The following CDH4 variants were observed in gnomAD, a reference collection of about 807,000 sequenced individuals.
CDH4 encodes cadherin-4.
Under a neutral mutation model 86.0 loss-of-function variants are expected in CDH4, and 33 were observed. That is an observed-to-expected ratio of 0.38 (90% CI 0.29 to 0.51). CDH4 has a LOEUF of 0.51. CDH4 is among the 20% of genes least tolerant of loss of function. The probability of loss-of-function intolerance (pLI) is 0.86; values close to 1 mark genes in which losing one functional copy is unlikely to be tolerated. For synonymous variants in CDH4, 555 were observed against 549.4 expected, an observed-to-expected ratio of 1.01 and a Z score of -0.14; for missense variants, 1,114 against 1,307.4, an observed-to-expected ratio of 0.85 and a Z score of 2.28.
chr20:61,634,322 G>A (rs1261595084), intron 2 of CDH4, among the ~76,000 whole-genome samples: 2 of 152,174 alleles, frequency 1.3e-5, no homozygotes, highest in African/African-American at 4.8e-5. Context: ...CGAGCCCCCA[G>A]AAGGAATGGT....
chr20:61,660,575 G>A (rs1352109365), intron 2 of CDH4, among the ~76,000 whole-genome samples: 1 of 152,176 alleles, frequency 6.6e-6, no homozygotes, highest in Non-Finnish European at 1.5e-5. Flanking sequence ...TATGGATTGT[G>A]TTTGCAGCTC....
chr20:61,784,087 G>A (rs72658797), intron 4 of CDH4, among the ~76,000 whole-genome samples: 242 of 3,936 alleles, frequency 0.061, 9 homozygotes, highest in Middle Eastern at 0.12. Flanking sequence ...AGTTCCTCGG[G>A]ACAGTTCTCA....
intron 2 of CDH4, among the ~76,000 whole-genome samples, chr20:61,686,787 ATG>A (rs1047599557): frequency 1.3e-5 from 2 of 152,074 alleles, no homozygotes; most frequent in African/African-American, 4.8e-5. Flanking sequence ...GTGTGTGTGC[ATG>A]TGTGCATGTC....
intron 2 of CDH4, among the ~76,000 whole-genome samples, chr20:61,276,067 G>A (rs1422848289): frequency 2.6e-5 from 4 of 152,172 alleles, no homozygotes; most frequent in African/African-American, 9.7e-5. Flanking sequence ...GATACGGGAC[G>A]TGCAGAGATA....
chr20:61,735,864 G>A (rs1282166539), intron 2 of CDH4, among the ~76,000 whole-genome samples: 1 of 152,204 alleles, frequency 6.6e-6, no homozygotes, highest in Non-Finnish European at 1.5e-5. Context: ...CTGCCTCGGG[G>A]GCTGTGATCC....
At chr20:61,861,408 A>G (rs2146128864) in intron 6 of CDH4, among the ~76,000 whole-genome samples, 1 of 152,310 alleles carries the variant, frequency 6.6e-6, no homozygotes, top group Non-Finnish European at 1.5e-5. Flanking sequence ...CAACATGAGG[A>G]AGTGAAGGCA....
intron 2 of CDH4, among the ~76,000 whole-genome samples, chr20:61,603,673 A>G (rs73914902): frequency 0.012 from 1,774 of 152,282 alleles, 29 homozygotes; most frequent in African/African-American, 0.039. Context: ...CAAAGTGCCA[A>G]TGGAGCACAG....
chr20:61,648,467 C>G (rs566517620), intron 2 of CDH4, among the ~76,000 whole-genome samples: 1 of 152,204 alleles, frequency 6.6e-6, no homozygotes, highest in African/African-American at 2.4e-5. Context: ...GAGGCACACC[C>G]GGGTCCGCAG....
At chr20:61,572,190 CA>C (rs1365055305) in intron 2 of CDH4, among the ~76,000 whole-genome samples, 3 of 152,334 alleles carry the variant, frequency 2.0e-5, no homozygotes, top group African/African-American at 7.2e-5. Flanking sequence ...CCAGTCATAT[CA>C]GCTCCGTGTT....
At chr20:61,606,367 C>T (rs1474615532) in intron 2 of CDH4, among the ~76,000 whole-genome samples, 4 of 152,204 alleles carry the variant, frequency 2.6e-5, no homozygotes, top group Non-Finnish European at 4.4e-5. Context: ...CACTGAGGCA[C>T]AGAGAGGCTG....
At chr20:61,292,517 G>T (rs898187527) in intron 2 of CDH4, among the ~76,000 whole-genome samples, 2 of 152,202 alleles carry the variant, frequency 1.3e-5, no homozygotes, top group Admixed American at 1.3e-4. Flanking sequence ...GACGTTTTTG[G>T]TTGTCACAGC....
chr20:61,279,319 C>T (rs2084246286), intron 2 of CDH4, among the ~76,000 whole-genome samples: 1 of 152,204 alleles, frequency 6.6e-6, no homozygotes, highest in South Asian at 2.1e-4. Flanking sequence ...CTCATTGGCC[C>T]TCCTTCCCTT....
At chr20:61,322,153 C>T (rs548373674) in intron 2 of CDH4, among the ~76,000 whole-genome samples, 6 of 152,300 alleles carry the variant, frequency 3.9e-5, no homozygotes, top group African/African-American at 1.2e-4. Flanking sequence ...TTTATTCATT[C>T]AGTGCAATGG....
intron 6 of CDH4, among the ~76,000 whole-genome samples, chr20:61,862,650 G>A (rs946175355): frequency 2.0e-5 from 3 of 152,174 alleles, no homozygotes; most frequent in Non-Finnish European, 2.9e-5. Flanking sequence ...ATCAGAGAAC[G>A]AGCTCTCAGG....
intron 8 of CDH4, among the ~76,000 whole-genome samples, chr20:61,898,661 C>G (rs76253189): frequency 0.05 from 7,594 of 152,272 alleles, 492 homozygotes; most frequent in African/African-American, 0.15. Context: ...CTGGCCCCAC[C>G]CTTGGTCCCT....
intron 2 of CDH4, among the ~76,000 whole-genome samples, chr20:61,680,983 A>G (rs1213430809): frequency 6.6e-6 from 1 of 152,186 alleles, no homozygotes; most frequent in Non-Finnish European, 1.5e-5. Flanking sequence ...TAGAATTCCT[A>G]TTTGTTCCCT....
chr20:61,674,343 C>T (rs1363029701), intron 2 of CDH4, among the ~76,000 whole-genome samples: 1 of 152,158 alleles, frequency 6.6e-6, no homozygotes, highest in Admixed American at 6.5e-5. Context: ...GGTCACAGGG[C>T]GTCCAGACCA....
At chr20:61,371,499 G>T (rs1275116852) in intron 2 of CDH4, among the ~76,000 whole-genome samples, 3 of 152,242 alleles carry the variant, frequency 2.0e-5, no homozygotes, top group Non-Finnish European at 4.4e-5. Context: ...CCTTCAACCA[G>T]CCGTCGTATA....
At chr20:61,779,768 C>G (rs904265026) in intron 4 of CDH4, among the ~76,000 whole-genome samples, 1 of 152,234 alleles carries the variant, frequency 6.6e-6, no homozygotes, top group East Asian at 1.9e-4. Flanking sequence ...AGTGATGCCC[C>G]GAGCTGGGTC....
Sources: allele counts gnomAD v4.1 joint callset (sites outside exome capture counted in the v4.1 genomes callset), GRCh38; gene constraint gnomAD v4.1.1; transcripts MANE v1.5; gene names NCBI Gene and HGNC (gene_info 2026-07-23, HGNC 2026-07-21).